BTBD16: variants seen among roughly 807,000 people sequenced by gnomAD.
BTBD16 encodes BTB/POZ domain-containing protein 16.
Under a neutral mutation model 67.4 loss-of-function variants are expected in BTBD16, and 66 were observed. The observed-to-expected ratio is 0.98, with a 90% CI of 0.80 to 1.20. The LOEUF (loss-of-function observed/expected upper bound fraction) is 1.20. BTBD16 is among the 50% of genes most tolerant of loss of function. The pLI, the probability that BTBD16 is intolerant of heterozygous loss-of-function variation, is 0.00. For missense variants in BTBD16, 634 were observed against 616.0 expected (o/e 1.03, Z -0.31); for synonymous variants, 242 against 236.4 (o/e 1.02, Z -0.22).
chr10:122,329,115 C>CT (rs1214608888), intron 10 of BTBD16, among the ~76,000 whole-genome samples: 2 of 152,122 alleles, frequency 1.3e-5, no homozygotes, highest in African/African-American at 4.8e-5. Flanking sequence ...CCCGTCTGCC[C>CT]CACAAGAAGT....
chr10:122,291,947 T>G (rs73359790), intron 7 of BTBD16, among the ~76,000 whole-genome samples: 11,639 of 152,170 alleles, frequency 0.076, 614 homozygotes, highest in African/African-American at 0.14. Context: ...ATGTGAAAGC[T>G]TCCTCATCCT....
Position 122,276,955 on chromosome 10 carries a change from G to T in BTBD16, c.167+16G>T. ...ACCCAGACAGGTATGGAGACTCAAA[G>T]GTTTGTGGGAGGGAATGGCCCATTA... On this transcript the variant is annotated intron_variant, in intron 3 of 15. Coordinates refer to ENST00000260723, the MANE Select transcript of BTBD16 (RefSeq NM_144587.5). 2.5e-6 allele frequency: 4 copies of T among 1,609,350 alleles called. No individual in the cohort carries two copies. The highest frequency in any genetic ancestry group is 1.3e-5 in the African/African-American group (1 of 74,932).
chr10:122,277,019 G>A, intron 3 of BTBD16, 80 bp downstream of exon 3: 1 of 1,504,398 alleles, frequency 6.6e-7, no homozygotes, highest in Non-Finnish European at 9.0e-7. Flanking sequence ...GGGCCACTCT[G>A]ATTGGCTGCA....
chr10:122,336,269 G>A (rs1483586644), intron 14 of BTBD16, among the ~76,000 whole-genome samples: 1 of 152,204 alleles, frequency 6.6e-6, no homozygotes, highest in Non-Finnish European at 1.5e-5. Flanking sequence ...TGTTTTCCTA[G>A]ATTGGCCAAA....
At chr10:122,295,613 G>A (rs1215553463) in intron 7 of BTBD16, among the ~76,000 whole-genome samples, 1 of 152,198 alleles carries the variant, frequency 6.6e-6, no homozygotes, top group Non-Finnish European at 1.5e-5. Context: ...GAGAGACCAG[G>A]AGGGTCTGAA....
intron 9 of BTBD16, chr10:122,303,462 A>G (rs1480546482): frequency 6.6e-6 from 1 of 152,312 alleles, no homozygotes; most frequent in African/African-American, 2.4e-5. Context: ...AAAGGGTTCT[A>G]TTGAATGAAT....
chr10:122,280,122 G>A (rs2096349650), intron 3 of BTBD16, among the ~76,000 whole-genome samples: 1 of 152,194 alleles, frequency 6.6e-6, no homozygotes, highest in South Asian at 2.1e-4. Flanking sequence ...AGGAGGAAAT[G>A]TTAACTTCCT....
intron 10 of BTBD16, 95 bp downstream of exon 10, chr10:122,307,403 A>G: frequency 7.6e-7 from 1 of 1,310,420 alleles, no homozygotes. Context: ...CAGTGATATA[A>G]TTTTTCATAG....
chr10:122,278,323 A>G (rs957187610), intron 3 of BTBD16, among the ~76,000 whole-genome samples: 1 of 152,156 alleles, frequency 6.6e-6, no homozygotes, highest in Non-Finnish European at 1.5e-5. Context: ...TGGAATCTCC[A>G]CTTCTTCACT....
intron 3 of BTBD16, among the ~76,000 whole-genome samples, chr10:122,281,741 G>A (rs938136551): frequency 2.6e-5 from 4 of 152,230 alleles, no homozygotes; most frequent in Non-Finnish European, 5.9e-5. Context: ...CTGGGGTCCA[G>A]CCCCAGGTCT....
intron 10 of BTBD16, among the ~76,000 whole-genome samples, chr10:122,317,545 G>C (rs549476313): frequency 6.6e-6 from 1 of 152,120 alleles, no homozygotes; most frequent in African/African-American, 2.4e-5. Flanking sequence ...TACTTGGGAG[G>C]CTGAGGCAGG....
chr10:122,274,846 A>G (rs939258311), intron 1 of BTBD16, among the ~76,000 whole-genome samples, 194 bp from the exon 2 acceptor site: 1 of 125,858 alleles, frequency 7.9e-6, no homozygotes, highest in Non-Finnish European at 1.7e-5. Context: ...TCACCTGCTT[A>G]CAAAAAAAAC....
At chr10:122,330,966 T>C (rs183619179) in intron 11 of BTBD16, among the ~76,000 whole-genome samples, 1 of 152,272 alleles carries the variant, frequency 6.6e-6, no homozygotes, top group Non-Finnish European at 1.5e-5. Context: ...AGAGAATCGA[T>C]TTGGAATATA....
intron 6 of BTBD16, 62 bp from the exon 7 acceptor site, chr10:122,291,018 G>A (rs555691014): frequency 2.0e-5 from 29 of 1,479,796 alleles, no homozygotes; most frequent in East Asian, 5.0e-5. Flanking sequence ...GAGGGAGGGC[G>A]CTGGGTGGTG....
At chr10:122,309,748 C>T (rs1003435445) in intron 10 of BTBD16, among the ~76,000 whole-genome samples, 2 of 150,584 alleles carry the variant, frequency 1.3e-5, no homozygotes, top group African/African-American at 4.9e-5. Flanking sequence ...ACTGGGATTA[C>T]AAGCATGAGC....
intron 10 of BTBD16, among the ~76,000 whole-genome samples, chr10:122,318,380 A>G (rs1223379045): frequency 1.3e-5 from 2 of 152,048 alleles, no homozygotes; most frequent in East Asian, 3.9e-4. Flanking sequence ...TTGTTTTTCT[A>G]TTCATCTTTT....
chr10:122,289,313 C>T (rs2096369512), intron 5 of BTBD16, among the ~76,000 whole-genome samples: 1 of 152,142 alleles, frequency 6.6e-6, no homozygotes, highest in South Asian at 2.1e-4. Flanking sequence ...GCATCAGTTT[C>T]TCGGTTTTGA....
intron 10 of BTBD16, among the ~76,000 whole-genome samples, chr10:122,322,865 C>T (rs973338149): frequency 3.9e-5 from 6 of 152,310 alleles, no homozygotes; most frequent in African/African-American, 1.4e-4. Flanking sequence ...TGCTCAGTCT[C>T]TGGGCTCCAT....
In BTBD16 at chr10:122,334,916, T is replaced by G; in HGVS notation, c.1200T>G (p.Tyr400Ter). The change falls in exon 14 of 16, where the codon TAT (tyrosine) becomes TAG (stop). Residue 400 changes from tyrosine to a stop codon, truncating the protein, a stop_gained. Transcript: ENST00000260723. LOFTEE classifies it high-confidence loss of function. ...NTTYSKTIALYGFFFKIKGLK... is the reference protein window; with the variant it reads ...NTTYSKTIAL Reference sequence around the variant, plus strand: ...CTTATTCGAAAACGATTGCTCTATATGGATTCTTCTTTAAGATAAAGGGAC... The same window carrying G: ...CTTATTCGAAAACGATTGCTCTATAGGGATTCTTCTTTAAGATAAAGGGAC... 1 of 1,576,006 alleles carries G rather than the reference T, an allele frequency of 6.3e-7. No homozygotes were observed. The highest frequency in any genetic ancestry group is 8.7e-7 in the Non-Finnish European group (1 of 1,147,806).
Sources: allele counts gnomAD v4.1 joint callset (sites outside exome capture counted in the v4.1 genomes callset), GRCh38; gene constraint gnomAD v4.1.1; transcripts MANE v1.5; gene names NCBI Gene and HGNC (gene_info 2026-07-23, HGNC 2026-07-21).